The following CFAP47 variants were observed in gnomAD, a reference collection of about 807,000 sequenced individuals.
CFAP47 encodes cilia and flagella associated protein 47.
Under a neutral mutation model 148.1 loss-of-function variants are expected in CFAP47, and 29 were observed. That is an observed-to-expected ratio of 0.20 (90% CI 0.15 to 0.27). The LOEUF is 0.27. Ranked by LOEUF, CFAP47 falls within the 10% of genes least tolerant of loss-of-function variation. The pLI is 1.00. For missense variants in CFAP47, 1,872 were observed against 1,697.5 expected (o/e 1.10, Z -1.81); for synonymous variants, 664 against 577.3 (o/e 1.15, Z -2.15).
rs141338715 is a variant in CFAP47, at chrX:36,006,397, A to G, written c.3417+4690A>G. Among the ~76,000 whole-genome samples, 840 of 111,905 alleles carry G rather than the reference A, an allele frequency of 7.5e-3. 6 individuals carry two copies. The highest frequency in any genetic ancestry group is 0.019 in the African/African-American group (595 of 30,854). On this transcript the variant is annotated intron_variant, in intron 21 of 63. Transcript: ENST00000378653. ...AATTCACTTCAACAATGAGAAGAAC[A>G]TATCAACTCCTGCAGAGACAGCACA...
chrX:36,330,626 A>G (rs1556013881), intron 57 of CFAP47, among the ~76,000 whole-genome samples: 2 of 112,143 alleles, frequency 1.8e-5, no homozygotes, highest in East Asian at 5.6e-4. Flanking sequence ...TGATTACATA[A>G]TAATAAAGAG....
chrX:36,235,459 T>A (rs1449307724), intron 46 of CFAP47, among the ~76,000 whole-genome samples: 2 of 112,475 alleles, frequency 1.8e-5, no homozygotes, highest in African/African-American at 3.2e-5. Flanking sequence ...GCCATTTTTT[T>A]AAGCCTGTGG....
chrX:36,266,172 G>C (rs4077453), intron 49 of CFAP47, among the ~76,000 whole-genome samples: 38,737 of 108,630 alleles, frequency 0.36, 7,576 homozygotes, highest in African/African-American at 0.76. Flanking sequence ...GGGGTGGCGA[G>C]AGCACTATGA....
intron 8 of CFAP47, among the ~76,000 whole-genome samples, chrX:35,959,534 C>T (rs144517105): frequency 0.017 from 1,859 of 111,567 alleles, 45 homozygotes; most frequent in African/African-American, 0.058. Flanking sequence ...GTTGGTCGGG[C>T]GCGGTGGCTC....
At chrX:36,083,887 A>T (rs1200863531) in intron 29 of CFAP47, among the ~76,000 whole-genome samples, 5 of 111,324 alleles carry the variant, frequency 4.5e-5, no homozygotes, top group African/African-American at 1.3e-4. Flanking sequence ...TTGTTTAATT[A>T]TGGTTTTTAA....
Position 36,073,165 on chromosome X carries a change from C to T in CFAP47, c.4492C>T (p.His1498Tyr), listed in dbSNP as rs1937786808. The T allele has an allele frequency of 8.3e-7, 1 of 1,208,537 alleles. No homozygotes were observed. Among genetic ancestry groups the T allele is most frequent in the Non-Finnish European group, 1.1e-6 (1 of 893,212 alleles). Residue 1498 changes from histidine (H) to tyrosine (Y), a missense_variant, in exon 29 of 64, where the codon CAC (histidine) becomes TAC (tyrosine). His to Tyr is a moderately conservative substitution (Grantham distance 83). Transcript: ENST00000378653. ...AGTGGAAGTACTGCCTGAAAATTTG[C>T]ACTTGGATGAAAGTGAAACATCAGA... ...IGVEVLPENL[H>Y]LDESETSEED... is the part of the protein sequence containing the mutation.
At chrX:36,336,186 CTCTGTCTGTCTG>C (rs782473183) in intron 57 of CFAP47, among the ~76,000 whole-genome samples, 1 of 107,128 alleles carries the variant, frequency 9.3e-6, no homozygotes, top group South Asian at 4.2e-4. Context: ...AACACATTCT[CTCTGTCTGTCTG>C]TCTGTCTGTC....
chrX:35,948,221 T>A (rs1390264289), intron 3 of CFAP47, 93 bp from the exon 4 acceptor site: 24 of 812,654 alleles, frequency 3.0e-5, no homozygotes. Flanking sequence ...GCAAGCTTGG[T>A]CTACTGGGTA....
chrX:36,237,678 T>A (rs6632529), intron 48 of CFAP47, among the ~76,000 whole-genome samples: 11,344 of 111,556 alleles, frequency 0.1, 580 homozygotes, highest in East Asian at 0.26. Flanking sequence ...CCTCACTTGG[T>A]TTGTTTAAAC....
intron 49 of CFAP47, among the ~76,000 whole-genome samples, chrX:36,266,388 A>G (rs1337723561): frequency 9.0e-6 from 1 of 110,924 alleles, no homozygotes; most frequent in Non-Finnish European, 1.9e-5. Flanking sequence ...GTGGGTGGCC[A>G]TGGGCTGGAA....
At chrX:35,977,238 G>A (rs776928911) in intron 15 of CFAP47, among the ~76,000 whole-genome samples, 93 of 111,620 alleles carry the variant, frequency 8.3e-4, no homozygotes, top group African/African-American at 3.0e-3. Flanking sequence ...TTGGATAATC[G>A]TAGCTGCTCA....
intron 59 of CFAP47, among the ~76,000 whole-genome samples, chrX:36,350,689 TTTA>T (rs1368680634): frequency 2.0e-5 from 2 of 100,332 alleles, no homozygotes; most frequent in African/African-American, 7.8e-5. Flanking sequence ...TTATTATTTA[TTTA>T]TTTTTTTTTT....
In CFAP47 at chrX:36,020,308, G is replaced by GTA. The variant is rs1049337902; in HGVS notation, c.3556+5397_3556+5398dup. Among the ~76,000 whole-genome samples, 55 of 112,042 alleles carry GTA rather than the reference G, an allele frequency of 4.9e-4. 1 individual carries two copies. Among genetic ancestry groups the GTA allele is most frequent in the Admixed American group, 1.9e-4 (2 of 10,571 alleles). Reference sequence around the variant, plus strand: ...TGCTGAGAAGAAGAATATATATTCTGTAGCCATTGGATGAAATGTTCTGTA... The same window carrying GTA: ...TGCTGAGAAGAAGAATATATATTCTGTATAGCCATTGGATGAAATGTTCTGTA... On this transcript the variant is annotated intron_variant, in intron 22 of 63. Coordinates refer to ENST00000378653, the MANE Select transcript of CFAP47 (RefSeq NM_001304548.2).
At chrX:36,351,686 G>A (rs781994893) in intron 59 of CFAP47, among the ~76,000 whole-genome samples, 3 of 111,822 alleles carry the variant, frequency 2.7e-5, no homozygotes, top group South Asian at 3.7e-4. Context: ...TAAATTAAAC[G>A]TGAGTTCTGT....
At chrX:36,340,296 C>T (rs1293933849) in intron 57 of CFAP47, among the ~76,000 whole-genome samples, 5 of 111,616 alleles carry the variant, frequency 4.5e-5, no homozygotes, top group African/African-American at 1.6e-4. Context: ...GTTAGAATCT[C>T]TGTAAGGAAA....
intron 45 of CFAP47, among the ~76,000 whole-genome samples, chrX:36,206,163 A>G (rs1052649478): frequency 2.7e-5 from 3 of 111,895 alleles, no homozygotes; most frequent in African/African-American, 9.7e-5. Context: ...AAAAATAAAA[A>G]TAACCTGAGC....
chrX:36,379,639 A>T, intron 63 of CFAP47, 121 bp downstream of exon 63: 2 of 578,541 alleles, frequency 3.5e-6, no homozygotes, highest in South Asian at 6.2e-5. Context: ...GCTGTGCAAA[A>T]ATCAACTTAT....
At chrX:36,317,371 C>A (rs1941442693) in intron 56 of CFAP47, among the ~76,000 whole-genome samples, 1 of 109,742 alleles carries the variant, frequency 9.1e-6, no homozygotes, top group Non-Finnish European at 1.9e-5. Context: ...GACTTTTTGG[C>A]AGGGAAGTTG....
chrX:36,357,095 A>C (rs782308293), intron 60 of CFAP47, among the ~76,000 whole-genome samples: 1 of 111,791 alleles, frequency 8.9e-6, no homozygotes, highest in Non-Finnish European at 1.9e-5. Flanking sequence ...TCCTGGAATC[A>C]AGACATTGGG....
Sources: allele counts gnomAD v4.1 joint callset (sites outside exome capture counted in the v4.1 genomes callset), GRCh38; gene constraint gnomAD v4.1.1; transcripts MANE v1.5; gene names NCBI Gene and HGNC (gene_info 2026-07-23, HGNC 2026-07-21).